Variants in MDM1 observed in about 807,000 individuals in gnomAD.
The protein encoded by MDM1 is Mdm1 nuclear protein.
Under a neutral mutation model 89.1 loss-of-function variants are expected in MDM1, and 61 were observed. The ratio of observed to expected loss-of-function variants is 0.68; its 90% CI spans 0.56 to 0.85. MDM1 has a LOEUF of 0.85. Among genes scored for constraint, MDM1 ranks in the 40% least tolerant of loss-of-function variants. MDM1 has a pLI of 0.00. For synonymous variants in MDM1, 290 were observed against 294.1 expected (o/e 0.99, Z 0.14); for missense variants, 820 against 846.5 (o/e 0.97, Z 0.39).
rs748491066 is a variant in MDM1 at position 68,315,025 on chromosome 12, C to T, written c.1452G>A (p.Thr484=). ...DDNEEEGDRK[T]GKQAFMGEQE... Reference sequence around the variant, plus strand: ...GCTCTCCCATAAAAGCCTGCTTGCCCGTTTTCCTGTCCCCTTCCTCTTCAT... The same window carrying T: ...GCTCTCCCATAAAAGCCTGCTTGCCTGTTTTCCTGTCCCCTTCCTCTTCAT... The change falls in exon 10 of 15, where the codon ACG becomes ACA. Residue 484 remains threonine, a synonymous_variant. Transcript: ENST00000682720. 3.3e-5 allele frequency: 53 copies of T among 1,614,054 alleles called. No homozygotes were observed. The South Asian group carries it at 4.1e-4, about 12-fold the overall frequency.
chr12:68,323,105 T>G lies in MDM1; in HGVS notation c.769A>C (p.Arg257=), dbSNP rs1022257515. The change falls in exon 5 of 15, where the codon AGA becomes CGA. Residue 257 remains arginine (R), a synonymous_variant. Transcript: ENST00000682720. ...PKLRNDLREN[R]NLETVSPERK... is the part of the protein sequence containing the mutation. Reference sequence around the variant, plus strand: ...TCAGGAGACACTGTTTCAAGATTTCTGTTTTCTCTCAAATCATTTCTTAAT... The same window carrying G: ...TCAGGAGACACTGTTTCAAGATTTCGGTTTTCTCTCAAATCATTTCTTAAT... 1.2e-6 allele frequency: 2 copies of G among 1,608,878 alleles called. No homozygotes were observed. The highest frequency in any genetic ancestry group is 1.7e-6 in the Non-Finnish European group (2 of 1,178,648).
chr12:68,316,734 C>A, intron 7 of MDM1, 124 bp from the exon 8 acceptor site: 1 of 822,318 alleles, frequency 1.2e-6, no homozygotes. Flanking sequence ...ATCAATATTT[C>A]TTGGGATTTT....
rs149158282 is a variant in MDM1, at chr12:68,315,007, C to T, written c.1470G>A (p.Met490Ile). The T allele has an allele frequency of 4.6e-5, 75 of 1,614,160 alleles. 1 individual carries two copies. In the East Asian group the frequency reaches 1.3e-3, roughly 28 times the overall value. Residue 490 changes from methionine (M) to isoleucine (I), a missense_variant, in exon 10 of 15, where the codon ATG becomes ATA. Physicochemically the swap from Met to Ile is conservative, Grantham distance 10. Transcript: ENST00000682720. ...GTACATCCAACTTCTCTTGCTCTCCCATAAAAGCCTGCTTGCCCGTTTTCC... is the reference window on the plus strand; with the variant it reads ...GTACATCCAACTTCTCTTGCTCTCCTATAAAAGCCTGCTTGCCCGTTTTCC... ...GDRKTGKQAFMGEQEKLDVRE... is the reference protein window; with the variant it reads ...GDRKTGKQAFIGEQEKLDVRE...
intron 7 of MDM1, 68 bp downstream of exon 7, chr12:68,321,279 G>A (rs780148121): frequency 1.9e-5 from 23 of 1,206,174 alleles, no homozygotes; most frequent in South Asian, 8.9e-5. Context: ...AAAGGAACTC[G>A]TTGTGAAATT....
At chr12:68,311,987 C>T (rs556971047) in intron 12 of MDM1, among the ~76,000 whole-genome samples, 1 of 152,288 alleles carries the variant, frequency 6.6e-6, no homozygotes. Context: ...CTTGACACCT[C>T]CAGGATACCA....
rs1325555292 is a variant in MDM1 at position 68,314,963 on chromosome 12, T to C, written c.1514A>G (p.Asp505Gly). The C allele has an allele frequency of 2.5e-6, 4 of 1,613,672 alleles. No homozygotes were observed. The highest frequency in any genetic ancestry group is 4.5e-5 in the East Asian group (2 of 44,886). Residue 505 changes from aspartate (D) to glycine (G), a missense_variant, in exon 10 of 15, where the codon GAT (aspartate) becomes GGT (glycine). Physicochemically the swap from Asp to Gly is moderately conservative, Grantham distance 94. Transcript: ENST00000682720. ...KLDVREKSKA[D>G]KMKEGSDSSV... is the part of the protein sequence containing the mutation. ...AAACTCTCACCCTTCTTTCATCTTA[T>C]CTGCCTTAGATTTCTCACGTACATC... is the stretch of plus-strand genomic sequence containing the variant.
chr12:68,323,135 G>T lies in MDM1; in HGVS notation c.739C>A (p.Pro247Thr), dbSNP rs1419303019. 6.2e-7 allele frequency: 1 copy of T among 1,608,934 alleles called. No homozygotes were observed. Among genetic ancestry groups the T allele is most frequent in the African/African-American group, 1.3e-5 (1 of 74,542 alleles). Residue 247 changes from proline (P) to threonine (T), a missense_variant, in exon 5 of 15, where the codon CCA (proline) becomes ACA (threonine). Physicochemically the swap from Pro to Thr is conservative, Grantham distance 38. Transcript: ENST00000682720. ...TCTCTCAAATCATTTCTTAATTTTG[G>T]TTCTTTCACTGGAGATAAACCCTTG... The part of the protein sequence containing the change: ...NFKGLSPVKE[P>T]KLRNDLRENR...
chr12:68,310,655 C>T (rs1049949629), intron 12 of MDM1, among the ~76,000 whole-genome samples: 6 of 152,200 alleles, frequency 3.9e-5, no homozygotes, highest in Non-Finnish European at 7.3e-5. Flanking sequence ...GATATTCTGT[C>T]ACTCCAATAA....
At chr12:68,310,550 T>G (rs1873538670) in intron 12 of MDM1, among the ~76,000 whole-genome samples, 1 of 152,210 alleles carries the variant, frequency 6.6e-6, no homozygotes, top group South Asian at 2.1e-4. Context: ...AAACAGTCCA[T>G]TAAGATCTGA....
intron 5 of MDM1, among the ~76,000 whole-genome samples, chr12:68,322,825 C>T (rs1029547783): frequency 1.3e-5 from 2 of 152,074 alleles, no homozygotes; most frequent in Non-Finnish European, 2.9e-5. Context: ...ACTCATCATG[C>T]TGTATCATTT....
intron 12 of MDM1, 57 bp from the exon 13 acceptor site, chr12:68,302,929 A>G: frequency 2.1e-6 from 3 of 1,461,860 alleles, no homozygotes; most frequent in Admixed American, 2.3e-5. Context: ...ATGTAAATAA[A>G]TAAGCCAAAC....
At chr12:68,328,256 C>T (rs915465941) in intron 2 of MDM1, among the ~76,000 whole-genome samples, 1 of 152,176 alleles carries the variant, frequency 6.6e-6, no homozygotes, top group Admixed American at 6.5e-5. Flanking sequence ...CATATAGCTC[C>T]ATGGATTTTC....
chr12:68,327,293 A>G, intron 2 of MDM1: 1 of 1,416,978 alleles, frequency 7.1e-7, no homozygotes, highest in Non-Finnish European at 9.2e-7. Flanking sequence ...TATCCTAACA[A>G]AAGTCACTAG....
chr12:68,311,473 A>C (rs1278778242), intron 12 of MDM1, among the ~76,000 whole-genome samples: 1 of 152,156 alleles, frequency 6.6e-6, no homozygotes, highest in Non-Finnish European at 1.5e-5. Context: ...GTCTTCCAAA[A>C]GCTGCCATCA....
intron 12 of MDM1, among the ~76,000 whole-genome samples, chr12:68,310,208 T>A (rs1009204368): frequency 4.6e-5 from 7 of 152,226 alleles, no homozygotes; most frequent in Non-Finnish European, 7.3e-5. Context: ...TGGCTTCATG[T>A]GATCCTCCCA....
At chr12:68,320,363 T>C (rs528298385) in intron 7 of MDM1, among the ~76,000 whole-genome samples, 14 of 152,172 alleles carry the variant, frequency 9.2e-5, no homozygotes, top group African/African-American at 3.1e-4. Flanking sequence ...GCCTGTGCTG[T>C]CTTCAGGCCG....
intron 2 of MDM1, chr12:68,327,351 G>A (rs1395002607): frequency 1.6e-5 from 24 of 1,522,722 alleles, no homozygotes; most frequent in Admixed American, 8.0e-5. Flanking sequence ...ATGCTGCCTC[G>A]TTTCTAATTA....
chr12:68,310,241 G>C (rs1001947152), intron 12 of MDM1, among the ~76,000 whole-genome samples: 5 of 152,200 alleles, frequency 3.3e-5, no homozygotes, highest in Non-Finnish European at 5.9e-5. Context: ...AAAGTGCTGG[G>C]ATTATAAACA....
intron 7 of MDM1, among the ~76,000 whole-genome samples, chr12:68,318,276 G>A (rs1874754490): frequency 6.6e-6 from 1 of 152,148 alleles, no homozygotes; most frequent in South Asian, 2.1e-4. Context: ...AGATTGACGG[G>A]GCAGTGGGGG....
Sources: allele counts gnomAD v4.1 joint callset (sites outside exome capture counted in the v4.1 genomes callset), GRCh38; gene constraint gnomAD v4.1.1; transcripts MANE v1.5; gene names NCBI Gene and HGNC (gene_info 2026-07-23, HGNC 2026-07-21).